NEBL: variants seen among roughly 807,000 people sequenced by gnomAD.
The protein encoded by NEBL is nebulette.
Under a neutral mutation model 140.2 loss-of-function variants are expected in NEBL, and 122 were observed. The ratio of observed to expected loss-of-function variants is 0.87; its 90% CI spans 0.75 to 1.01. The LOEUF is 1.01. NEBL is among the 50% of genes least tolerant of loss of function. NEBL has a pLI of 0.00. For synonymous variants in NEBL, 436 were observed against 398.9 expected (o/e 1.09, Z -1.11); for missense variants, 1,365 against 1,231.3 (o/e 1.11, Z -1.62).
intron 2 of NEBL, among the ~76,000 whole-genome samples, chr10:21,033,218 G>A (rs1833869642): frequency 6.6e-6 from 1 of 152,152 alleles, no homozygotes; most frequent in South Asian, 2.1e-4. Flanking sequence ...TGGGACTCGA[G>A]TATCTAAGAT....
At chr10:20,916,751 C>A (rs746138252) in intron 4 of NEBL, among the ~76,000 whole-genome samples, 11 of 152,136 alleles carry the variant, frequency 7.2e-5, no homozygotes, top group Non-Finnish European at 1.0e-4. Flanking sequence ...AAGCTTCTAA[C>A]CTGGCTTAGG....
chr10:20,842,140 C>G (rs1360931728), intron 12 of NEBL, among the ~76,000 whole-genome samples: 4 of 152,004 alleles, frequency 2.6e-5, no homozygotes, highest in African/African-American at 9.7e-5. Context: ...TTTCATGTTA[C>G]TTTCCCTTCA....
At chr10:21,012,298 C>T (rs1838372078) in intron 3 of NEBL, among the ~76,000 whole-genome samples, 3 of 152,032 alleles carry the variant, frequency 2.0e-5, no homozygotes, top group South Asian at 4.1e-4. Context: ...AGCAGGATGG[C>T]AGAGCATGAT....
chr10:21,120,973 AAC>A (rs1269177099), intron 2 of NEBL, among the ~76,000 whole-genome samples: 3 of 152,148 alleles, frequency 2.0e-5, no homozygotes, highest in Admixed American at 1.3e-4. Context: ...GATCTAAAGG[AAC>A]TACATTTTCA....
intron 7 of NEBL, among the ~76,000 whole-genome samples, chr10:20,862,108 C>T (rs1843760758): frequency 6.6e-6 from 1 of 152,144 alleles, no homozygotes; most frequent in Admixed American, 6.5e-5. Context: ...AGTATGGTTT[C>T]TACTAAATGT....
chr10:21,056,053 G>T (rs1189023219), intron 2 of NEBL, among the ~76,000 whole-genome samples: 1 of 152,186 alleles, frequency 6.6e-6, no homozygotes, highest in African/African-American at 2.4e-5. Context: ...AGAGTAGAGT[G>T]AAATAGAAAG....
chr10:20,840,642 T>C (rs189703007), intron 13 of NEBL, 97 bp downstream of exon 13: 3 of 821,468 alleles, frequency 3.7e-6, no homozygotes, highest in African/African-American at 3.4e-5. Flanking sequence ...CACTTACATA[T>C]AAAAGTTATA....
intron 2 of NEBL, among the ~76,000 whole-genome samples, chr10:21,153,710 T>G (rs1044254331): frequency 6.6e-6 from 1 of 152,036 alleles, no homozygotes; most frequent in Non-Finnish European, 1.5e-5. Flanking sequence ...CAGACGGGGT[T>G]TCACCATGTT....
chr10:21,285,101 A>G (rs1169696417), intron 1 of NEBL, among the ~76,000 whole-genome samples: 2 of 152,192 alleles, frequency 1.3e-5, no homozygotes, highest in African/African-American at 4.8e-5. Context: ...AGTCACTATG[A>G]CATTGTTTAA....
intron 12 of NEBL, among the ~76,000 whole-genome samples, chr10:20,841,951 TTACA>T (rs1181974410): frequency 4.6e-5 from 7 of 152,154 alleles, no homozygotes; most frequent in Admixed American, 4.6e-4. Context: ...CTATGAATAC[TTACA>T]TACAACTTAT....
At chr10:20,792,265 A>G (rs1443974593) in intron 26 of NEBL, among the ~76,000 whole-genome samples, 1 of 152,176 alleles carries the variant, frequency 6.6e-6, no homozygotes, top group Non-Finnish European at 1.5e-5. Flanking sequence ...GGAGAAAATC[A>G]CCATTCAGAA....
At position 20,835,626 on chromosome 10, in the gene NEBL, G is replaced by C. The variant is rs1463838530; in HGVS notation, c.1339-3C>G. 28 of 1,584,408 alleles carry C rather than the reference G, an allele frequency of 1.8e-5. No individual in the cohort carries two copies. The Admixed American group carries it at 4.7e-4, about 26-fold the overall frequency. On this transcript the variant is annotated splice_region_variant and splice_polypyrimidine_tract_variant and intron_variant, in intron 13 of 27. Transcript: ENST00000377122. ...TCCAGGTCTTTCTTGTATTCTTTCT[G>C]CAAAAGACAACATTTTACAACATTC...
chr10:21,109,841 A>T (rs1837901009), intron 2 of NEBL, among the ~76,000 whole-genome samples: 1 of 151,464 alleles, frequency 6.6e-6, no homozygotes, highest in Non-Finnish European at 1.5e-5. Context: ...GGAAATACAA[A>T]CTTTATCATT....
intron 1 of NEBL, among the ~76,000 whole-genome samples, chr10:21,281,784 G>A (rs1214572337): frequency 6.6e-6 from 1 of 152,074 alleles, no homozygotes; most frequent in Non-Finnish European, 1.5e-5. Context: ...GAACCTACAG[G>A]ATAATTTCAC....
rs574960103 is a variant in NEBL, at chr10:21,236,627, G to A, written n.348+11294C>T. ...GCCTCCCAAAGTGCTAGGATTGCAG[G>A]TGTGAGCCACTGTGCCAGGCCACTC... is the stretch of plus-strand genomic sequence containing the variant. On this transcript the variant is annotated intron_variant and non_coding_transcript_variant, in intron 3 of 8. Transcript: ENST00000675702. Among the ~76,000 whole-genome samples, 13 of 152,180 alleles carry A rather than the reference G, an allele frequency of 8.5e-5. No homozygotes were observed. In the South Asian group the frequency reaches 2.3e-3, roughly 27 times the overall value.
chr10:20,784,776 G>A lies in NEBL; in HGVS notation c.*971C>T, dbSNP rs1055411482. The A allele has an allele frequency of 3.9e-5, 6 of 152,208 alleles. No homozygotes were observed. Among genetic ancestry groups the A allele is most frequent in the African/African-American group, 1.2e-4 (5 of 41,448 alleles). The allele number at this position is 152,208 out of a possible 1,614,324, so 9.4% of individuals were successfully genotyped here. A position where few individuals can be genotyped will look rare whatever the true frequency, so the allele number is the denominator to read the frequency against. ...ATCGCTTATTTACTAGAGTATACAT[G>A]TTATTTCCTAAGATGTAAATCCTTC... On this transcript the variant is annotated 3_prime_UTR_variant, in exon 28 of 28. Coordinates refer to ENST00000377122, the MANE Select transcript of NEBL (RefSeq NM_006393.3).
At chr10:21,227,149 T>G (rs1385931368) in intron 3 of NEBL, among the ~76,000 whole-genome samples, 1 of 152,164 alleles carries the variant, frequency 6.6e-6, no homozygotes, top group Non-Finnish European at 1.5e-5. Flanking sequence ...AATTGGAAAT[T>G]TTCTGATCTG....
intron 2 of NEBL, chr10:21,125,747 C>T (rs545278998): frequency 1.6e-5 from 18 of 1,116,200 alleles, no homozygotes; most frequent in Non-Finnish European, 2.1e-5. Context: ...CCACAGGGCA[C>T]GGATGGAAAC....
At position 21,288,799 on chromosome 10, in the gene NEBL, A is replaced by T. The variant is rs140807003; in HGVS notation, n.182+4031T>A. On this transcript the variant is annotated intron_variant and non_coding_transcript_variant, in intron 1 of 8. Transcript: ENST00000675702. ...AGAAAAAGAAAATTATTACCATCTG[A>T]CAATATATACGTGTGTGTGTGTATA... 7.3e-3 allele frequency among the ~76,000 whole-genome samples: 454 copies of T among 62,048 alleles called. 9 individuals are homozygous for T. Among genetic ancestry groups the T allele is most frequent in the Non-Finnish European group, 0.012 (363 of 29,920 alleles). The allele number at this position is 62,048 out of a possible 152,430, so 40.7% of individuals were successfully genotyped here.
Sources: allele counts gnomAD v4.1 joint callset (sites outside exome capture counted in the v4.1 genomes callset), GRCh38; gene constraint gnomAD v4.1.1; transcripts MANE v1.5; gene names NCBI Gene and HGNC (gene_info 2026-07-23, HGNC 2026-07-21).